STK35: variants seen among roughly 807,000 people sequenced by gnomAD.
The protein encoded by STK35 is serine/threonine-protein kinase 35.
STK35 carries 17 observed loss-of-function variants against 37.3 expected under a neutral mutation model. That is an observed-to-expected ratio of 0.46 (90% CI 0.31 to 0.68). STK35 has a LOEUF of 0.68. STK35 is among the 30% of genes least tolerant of loss of function. STK35 has a pLI of 0.05. For synonymous variants in STK35, 385 were observed against 319.1 expected (o/e 1.21, Z -2.20); for missense variants, 595 against 746.7 (o/e 0.80, Z 2.37).
chr20:2,131,953 A>AT (rs891447698), intron 3 of STK35, among the ~76,000 whole-genome samples: 2 of 152,032 alleles, frequency 1.3e-5, no homozygotes, highest in Non-Finnish European at 2.9e-5. Flanking sequence ...TACTTTTTAA[A>AT]TTTTTTTTGC....
Position 2,143,865 on chromosome 20 carries a change from C to T in STK35, c.*119C>T, listed in dbSNP as rs1209462948. The T allele has an allele frequency of 4.5e-6, 2 of 443,862 alleles. No homozygotes were observed. Among genetic ancestry groups the T allele is most frequent in the African/African-American group, 2.0e-5 (1 of 48,996 alleles). The allele number at this position is 443,862 out of a possible 1,614,324, so 27.5% of individuals were successfully genotyped here. A position where few individuals can be genotyped will look rare whatever the true frequency, so the allele number is the denominator to read the frequency against. ...TACAGGTGGTGGCCTGGCCGGTTGG[C>T]GATCTCCCGACAGCTGGATCCGGCA... On this transcript the variant is annotated 3_prime_UTR_variant, in exon 4 of 4. Coordinates refer to ENST00000381482, the MANE Select transcript of STK35 (RefSeq NM_080836.4).
At chr20:2,118,702 A>G (rs1985764441) in intron 3 of STK35, among the ~76,000 whole-genome samples, 2 of 152,250 alleles carry the variant, frequency 1.3e-5, no homozygotes, top group African/African-American at 4.8e-5. Flanking sequence ...ATTATAATGG[A>G]ACTGAAAAAT....
At position 2,102,168 on chromosome 20, in the gene STK35, C is replaced by A; in HGVS notation, c.287C>A (p.Ala96Glu). 7.2e-7 allele frequency: 1 copy of A among 1,386,776 alleles called. No individual in the cohort carries two copies. The highest frequency in any genetic ancestry group is 1.6e-5 in the South Asian group (1 of 64,262). The allele number at this position is 1,386,776 out of a possible 1,614,324, so 85.9% of individuals were successfully genotyped here. ...GKRAARKWRC[A>E]GQVTIQGPAP... ...CGGGCCGCCCGGAAGTGGAGGTGCGCGGGCCAGGTAAGGGCGCCGTTGGAG... is the reference window on the plus strand; with the variant it reads ...CGGGCCGCCCGGAAGTGGAGGTGCGAGGGCCAGGTAAGGGCGCCGTTGGAG... The change falls in exon 1 of 4, where the codon GCG (alanine) becomes GAG (glutamate). Residue 96 changes from alanine to glutamate, a missense_variant. Ala to Glu is a moderately radical substitution (Grantham distance 107, BLOSUM62 -1). Coordinates refer to ENST00000381482, the MANE Select transcript of STK35 (RefSeq NM_080836.4).
chr20:2,120,893 C>T lies in STK35; in HGVS notation c.*37+3478C>T, dbSNP rs1160817331. Among the ~76,000 whole-genome samples, 5 of 151,450 alleles carry T rather than the reference C, an allele frequency of 3.3e-5. No homozygotes were observed. In the East Asian group the frequency reaches 7.8e-4, roughly 24 times the overall value. On this transcript the variant is annotated intron_variant, in intron 3 of 3. Transcript: ENST00000381482. ...AGAGCAGGGTAGGGGAGATCTGAAG[C>T]TTGGGTGGTGGGGAGGGGTGGGGAT...
chr20:2,107,294 C>T (rs1387994249), intron 2 of STK35, among the ~76,000 whole-genome samples: 1 of 152,218 alleles, frequency 6.6e-6, no homozygotes, highest in South Asian at 2.1e-4. Context: ...AGGACAAACT[C>T]TCAAGACTCA....
At chr20:2,129,887 G>T (rs1985970114) in intron 3 of STK35, among the ~76,000 whole-genome samples, 1 of 152,122 alleles carries the variant, frequency 6.6e-6, no homozygotes, top group African/African-American at 2.4e-5. Flanking sequence ...CTGCTCTGTG[G>T]CCAGTAAAAC....
chr20:2,105,751 C>G (rs961005651), intron 2 of STK35, among the ~76,000 whole-genome samples: 2 of 152,176 alleles, frequency 1.3e-5, no homozygotes, highest in African/African-American at 4.8e-5. Flanking sequence ...ACCCTCACCC[C>G]CTTCAAGATT....
At chr20:2,138,056 G>T (rs1210032951) in intron 3 of STK35, among the ~76,000 whole-genome samples, 1 of 152,182 alleles carries the variant, frequency 6.6e-6, no homozygotes, top group African/African-American at 2.4e-5. Flanking sequence ...GACAAATGAG[G>T]TGTTGCATAT....
chr20:2,143,965 TTTTTTC>T lies in STK35; in HGVS notation c.*220_*225del, dbSNP rs1173402909. The stretch of plus-strand genomic sequence containing the variant: ...TTTTTTTCCTTTTCTTTTCTTTTTT[TTTTTTC>T]CTCTTTCCTTTTTTTAAATTTAAAC... On this transcript the variant is annotated 3_prime_UTR_variant, in exon 4 of 4. Coordinates refer to ENST00000381482, the MANE Select transcript of STK35 (RefSeq NM_080836.4). The T allele has an allele frequency of 4.8e-6, 2 of 417,630 alleles. No homozygotes were observed. The highest frequency in any genetic ancestry group is 1.8e-5 in the South Asian group (1 of 57,070). 25.9% of individuals were successfully genotyped at this position (417,630 alleles called of 1,614,324 possible). A position where few individuals can be genotyped will look rare whatever the true frequency, so the allele number is the denominator to read the frequency against.
intron 1 of STK35, 67 bp from the exon 2 acceptor site, chr20:2,102,701 C>T: frequency 1.5e-6 from 2 of 1,295,506 alleles, no homozygotes; most frequent in Non-Finnish European, 2.0e-6. Context: ...AGGTGGGACG[C>T]CCCGCGGCCT....
intron 3 of STK35, among the ~76,000 whole-genome samples, chr20:2,139,750 CAGTT>C (rs1452781248): frequency 6.6e-6 from 1 of 152,200 alleles, no homozygotes; most frequent in Admixed American, 6.5e-5. Context: ...GCCTATAACA[CAGTT>C]AGAACTTGCA....
rs957315010 is a variant in STK35 at position 2,144,153 on chromosome 20, TCTTC to T, written c.*412_*415del. On this transcript the variant is annotated 3_prime_UTR_variant, in exon 4 of 4. Transcript: ENST00000381482. The stretch of plus-strand genomic sequence containing the variant: ...GGTTTTGTCCTTCACTTTCCCTCTG[TCTTC>T]CTTCTTTATACTTTTCTCAGTTCTA... The T allele has an allele frequency of 3.6e-5, 11 of 307,970 alleles. No individual in the cohort carries two copies. Among genetic ancestry groups the T allele is most frequent in the Non-Finnish European group, 6.2e-5 (10 of 161,388 alleles). The allele number at this position is 307,970 out of a possible 1,614,324, so 19.1% of individuals were successfully genotyped here.
In STK35 at chr20:2,119,934, T is replaced by A. The variant is rs140865197; in HGVS notation, c.*37+2519T>A. On this transcript the variant is annotated intron_variant, in intron 3 of 3. Transcript: ENST00000381482. ...CTCGAGTGAGTCACTTAGGTTTAAT[T>A]CTTTCATTCTACAAACGTGTGTTCC... Among the ~76,000 whole-genome samples the A allele has an allele frequency of 4.4e-3, 674 of 152,342 alleles. 3 individuals carry two copies. The highest frequency in any genetic ancestry group is 0.015 in the African/African-American group (638 of 41,572).
chr20:2,110,237 T>A (rs966151740), intron 2 of STK35, among the ~76,000 whole-genome samples: 13 of 152,266 alleles, frequency 8.5e-5, no homozygotes, highest in African/African-American at 3.1e-4. Flanking sequence ...CAGGGATGGC[T>A]ATAGTCATAA....
intron 3 of STK35, among the ~76,000 whole-genome samples, chr20:2,125,673 C>G (rs1362697380): frequency 1.3e-5 from 2 of 152,200 alleles, no homozygotes; most frequent in East Asian, 1.9e-4. Context: ...CCAGCCATCC[C>G]TTCAGGCGAG....
chr20:2,123,389 G>A (rs1375021260), intron 3 of STK35, among the ~76,000 whole-genome samples: 1 of 152,164 alleles, frequency 6.6e-6, no homozygotes. Context: ...CTCAGCTAAC[G>A]TACTGGGTGA....
chr20:2,121,245 C>A (rs1029455801), intron 3 of STK35, among the ~76,000 whole-genome samples: 2 of 152,114 alleles, frequency 1.3e-5, no homozygotes, highest in African/African-American at 4.8e-5. Flanking sequence ...CTTGAAATAA[C>A]GGGATAAGAT....
chr20:2,102,123 C>T lies in STK35; in HGVS notation c.242C>T (p.Ala81Val), dbSNP rs1176707838. The T allele has an allele frequency of 7.1e-7, 1 of 1,408,338 alleles. No homozygotes were observed. Among genetic ancestry groups the T allele is most frequent in the East Asian group, 2.9e-5 (1 of 34,214 alleles). The allele number at this position is 1,408,338 out of a possible 1,614,324, so 87.2% of individuals were successfully genotyped here. ...GGGCCCGGAGCGGACCATCCCCAGG[C>T]AGGGGCTCCAGGGGGGAAACGGGCC... ...QPGPGADHPQ[A>V]GAPGGKRAAR... is the part of the protein sequence containing the mutation. The change falls in exon 1 of 4, where the codon GCA becomes GTA. Residue 81 changes from alanine to valine, a missense_variant. Transcript: ENST00000381482.
chr20:2,134,312 CAAG>C (rs1202903370), intron 3 of STK35, among the ~76,000 whole-genome samples: 1 of 150,578 alleles, frequency 6.6e-6, no homozygotes, highest in African/African-American at 2.4e-5. Context: ...TAGAAACTTT[CAAG>C]GAGGAGGAGG....
Sources: gnomAD v4.1 joint callset for allele counts (sites outside exome capture counted in the v4.1 genomes callset) on GRCh38, gnomAD v4.1.1 for gene constraint, MANE v1.5 for transcripts, NCBI Gene and HGNC (gene_info 2026-07-23, HGNC 2026-07-21) for gene names.